The following ZNF324B variants were observed in gnomAD, a reference collection of about 807,000 sequenced individuals.
ZNF324B encodes zinc finger protein 324B.
Under a neutral mutation model 10.6 loss-of-function variants are expected in ZNF324B, and 7 were observed. The observed-to-expected ratio is 0.66, with a 90% CI of 0.38 to 1.24. ZNF324B has a LOEUF of 1.24. Among genes scored for constraint, ZNF324B ranks in the 50% most tolerant of loss-of-function variants. ZNF324B has a pLI of 0.02. For missense variants in ZNF324B, 640 were observed against 764.7 expected, an observed-to-expected ratio of 0.84 and a Z score of 1.92; for synonymous variants, 316 against 321.0, an observed-to-expected ratio of 0.98 and a Z score of 0.17.
upstream of ZNF324B, among the ~76,000 whole-genome samples, chr19:58,450,245 C>G (rs142029690): frequency 0.021 from 3,194 of 152,162 alleles, 95 homozygotes; most frequent in African/African-American, 0.072. Context: ...TATGAGTCCA[C>G]TAAACCTCTT....
chr19:58,445,696 T>C, the ZNF324B span: 1 of 339,284 alleles, frequency 2.9e-6, no homozygotes, highest in South Asian at 2.4e-5. Flanking sequence ...CCATCTGTAA[T>C]CCCAGCTACA....
the ZNF324B span, chr19:58,445,320 G>A: frequency 4.1e-6 from 2 of 493,530 alleles, no homozygotes; most frequent in Non-Finnish European, 7.9e-6. Flanking sequence ...AGTGTAGCAT[G>A]TAGGAGAGCA....
the ZNF324B span, chr19:58,440,479 T>C: frequency 1.3e-5 from 2 of 152,736 alleles, no homozygotes; most frequent in African/African-American, 2.4e-5. Context: ...GGACCATCAC[T>C]TTGGCATTTC....
the ZNF324B span, chr19:58,441,073 C>G: frequency 0.023 from 3,482 of 152,514 alleles, 51 homozygotes; most frequent in Non-Finnish European, 0.038. Flanking sequence ...TCTGCATATG[C>G]GAAGACTTGG....
chr19:58,427,362 CTTTCTTTCTTTCTTT>C, the ZNF324B span, among the ~76,000 whole-genome samples: 3 of 40,492 alleles, frequency 7.4e-5, 1 homozygote, highest in African/African-American at 2.2e-4. Context: ...TTCTTTCTTT[CTTTCTTTCTTTCTTT>C]CTTTCTTTCT....
Position 58,455,327 on chromosome 19 carries a change from C to T in ZNF324B, c.383C>T (p.Ala128Val). The T allele has an allele frequency of 1.2e-6, 2 of 1,614,228 alleles. No homozygotes were observed. Among genetic ancestry groups the T allele is most frequent in the Non-Finnish European group, 1.7e-6 (2 of 1,180,040 alleles). ...SVKSLQRQPG[A>V]SPSQERKPTG... Reference sequence around the variant, plus strand: ...AAAAGCCTGCAGCGACAACCGGGTGCCTCCCCATCTCAGGAGAGAAAACCC... The same window carrying T: ...AAAAGCCTGCAGCGACAACCGGGTGTCTCCCCATCTCAGGAGAGAAAACCC... The change falls in exon 4 of 4, where the codon GCC becomes GTC. Residue 128 changes from alanine to valine, a missense_variant. Physicochemically the swap from Ala to Val is moderately conservative, Grantham distance 64. This residue lies in a region of ZNF324B where 345 missense variants were observed against 387.9 expected (regional missense o/e 0.89). Coordinates refer to ENST00000336614, the MANE Select transcript of ZNF324B (RefSeq NM_207395.3). This position sits in a 1 kb window ranked among gnomAD's most constrained non-coding sequence, Gnocchi z 7.0.
chr19:58,421,844 T>C, the ZNF324B span, among the ~76,000 whole-genome samples: 1 of 152,208 alleles, frequency 6.6e-6, no homozygotes, highest in African/African-American at 2.4e-5. Flanking sequence ...GTTCATGAAC[T>C]GGAAGTCTCA....
chr19:58,426,831 C>T, the ZNF324B span, among the ~76,000 whole-genome samples: 7 of 152,340 alleles, frequency 4.6e-5, no homozygotes, highest in Middle Eastern at 3.4e-3. Context: ...TGTACAATAA[C>T]AGGGTAGTCA....
chr19:58,435,775 AT>A, the ZNF324B span: 1 of 152,842 alleles, frequency 6.5e-6, no homozygotes, highest in Non-Finnish European at 1.5e-5. Context: ...TCATAGCAGA[AT>A]TTTTTTAAAA....
At chr19:58,433,660 C>T in the ZNF324B span, 1 of 1,614,160 alleles carries the variant, frequency 6.2e-7, no homozygotes. Flanking sequence ...AGGCTTTTCT[C>T]CAGTATGAAC....
chr19:58,454,144 T>G, intron 2 of ZNF324B, 84 bp from the exon 3 acceptor site: 1 of 902,526 alleles, frequency 1.1e-6, no homozygotes, highest in South Asian at 1.4e-5. Context: ...ACTGTCTATT[T>G]CCATGAAGCC....
chr19:58,440,693 AC>A, the ZNF324B span: 3 of 135,578 alleles, frequency 2.2e-5, no homozygotes, highest in Middle Eastern at 3.6e-3. Flanking sequence ...CCCCTTCCCC[AC>A]CCTGTGCCTT....
the ZNF324B span, chr19:58,418,826 T>A: frequency 6.6e-6 from 1 of 152,282 alleles, no homozygotes; most frequent in Non-Finnish European, 1.5e-5. Context: ...CCCAGGCTGG[T>A]CATGAACTCT....
the ZNF324B span, among the ~76,000 whole-genome samples, chr19:58,427,904 C>T: frequency 6.6e-6 from 1 of 152,076 alleles, no homozygotes; most frequent in Non-Finnish European, 1.5e-5. Flanking sequence ...AAGGCTGAGC[C>T]CCATATGGCT....
the ZNF324B span, chr19:58,444,058 C>T: frequency 6.6e-6 from 1 of 152,262 alleles, no homozygotes; most frequent in African/African-American, 2.4e-5. Context: ...GAGTGGAAGA[C>T]AGCTGTGGCA....
the ZNF324B span, chr19:58,441,027 C>G: frequency 6.6e-6 from 1 of 152,532 alleles, no homozygotes; most frequent in South Asian, 2.1e-4. Context: ...TTTCAGAATC[C>G]AGTTTGTTGA....
the ZNF324B span, chr19:58,433,086 A>C: frequency 2.0e-6 from 1 of 489,174 alleles, no homozygotes; most frequent in Non-Finnish European, 3.7e-6. Context: ...TGAGGACAGG[A>C]CTGCTGCAAA....
chr19:58,422,286 A>G, the ZNF324B span, among the ~76,000 whole-genome samples: 1 of 152,186 alleles, frequency 6.6e-6, no homozygotes, highest in East Asian at 1.9e-4. Flanking sequence ...TAATGGCCAT[A>G]TATGACAGAC....
chr19:58,455,669 C>T lies in ZNF324B; in HGVS notation c.725C>T (p.Thr242Ile). Residue 242 changes from threonine to isoleucine, a missense_variant, in exon 4 of 4, where the codon ACC (threonine) becomes ATC (isoleucine). Thr to Ile is a moderately conservative substitution (Grantham distance 89). Transcript: ENST00000336614. This position sits in a 1 kb window ranked among gnomAD's most constrained non-coding sequence, Gnocchi z 7.0. ...HRLLGGQEPS[T>I]WDELGEALHA... ...CTCCTCGGTGGCCAGGAGCCCTCGACCTGGGACGAGCTGGGCGAGGCTCTT... is the reference window on the plus strand; with the variant it reads ...CTCCTCGGTGGCCAGGAGCCCTCGATCTGGGACGAGCTGGGCGAGGCTCTT... The T allele has an allele frequency of 1.9e-6, 3 of 1,613,538 alleles. No individual in the cohort carries two copies. The highest frequency in any genetic ancestry group is 2.5e-6 in the Non-Finnish European group (3 of 1,179,850).
Sources: allele counts gnomAD v4.1 joint callset (sites outside exome capture counted in the v4.1 genomes callset), GRCh38; gene constraint gnomAD v4.1.1; regional missense constraint gnomAD v4.1.1; non-coding constraint Gnocchi (gnomAD v3.1); transcripts MANE v1.5; gene names NCBI Gene and HGNC (gene_info 2026-07-23, HGNC 2026-07-21).